Variants in PIK3C2A observed in about 807,000 individuals in gnomAD.
The protein encoded by PIK3C2A is phosphatidylinositol 4-phosphate 3-kinase C2 domain-containing subunit alpha.
PIK3C2A carries 97 observed loss-of-function variants against 204.5 expected under a neutral mutation model. The ratio of observed to expected loss-of-function variants is 0.47; its 90% CI spans 0.40 to 0.56. The LOEUF (loss-of-function observed/expected upper bound fraction) is 0.56, where lower values mean the gene tolerates loss of function less well. PIK3C2A is among the 20% of genes least tolerant of loss of function. PIK3C2A has a pLI of 0.00. For missense variants in PIK3C2A, 1,735 were observed against 1,969.2 expected (o/e 0.88, Z 2.25); for synonymous variants, 653 against 664.4 (o/e 0.98, Z 0.26).
chr11:17,131,056 C>T (rs1590942558), intron 12 of PIK3C2A, among the ~76,000 whole-genome samples: 1 of 152,008 alleles, frequency 6.6e-6, no homozygotes, highest in Middle Eastern at 3.4e-3. Context: ...GGCGTGGTGG[C>T]GCATGCCTGT....
At chr11:17,165,111 C>T in intron 2 of PIK3C2A, among the ~76,000 whole-genome samples, 1 of 152,084 alleles carries the variant, frequency 6.6e-6, no homozygotes, top group Non-Finnish European at 1.5e-5. Flanking sequence ...CATTAACAAC[C>T]TGTGCTTTGG....
At position 17,087,182 on chromosome 11, in the gene PIK3C2A, T is replaced by C. The variant is rs533906664; in HGVS notation, c.*2556A>G. 6.6e-6 allele frequency: 1 copy of C among 152,290 alleles called. No individual in the cohort carries two copies. Among genetic ancestry groups the C allele is most frequent in the South Asian group, 2.1e-4 (1 of 4,822 alleles). The allele number at this position is 152,290 out of a possible 1,614,324, so 9.4% of individuals were successfully genotyped here. ...AGTCAATAAAGGTGAGTATAAAATA[T>C]TGTGATTATACATAAAAATTAGTGT... On this transcript the variant is annotated 3_prime_UTR_variant, in exon 33 of 33. Transcript: ENST00000691414.
chr11:17,096,667 A>G (rs770031434), intron 27 of PIK3C2A, among the ~76,000 whole-genome samples: 89 of 152,380 alleles, frequency 5.8e-4, no homozygotes, highest in Admixed American at 9.1e-4. Context: ...GGTGAAAAGT[A>G]GCAACAAAAA....
Position 17,155,533 on chromosome 11 carries a change from T to C in PIK3C2A, c.1162A>G (p.Ile388Val). Reference sequence around the variant, plus strand: ...TAAAGAAAAATTCCTTACTTTGTAATGGATCGACAAAAAGCTGCCATCTCC... The same window carrying C: ...TAAAGAAAAATTCCTTACTTTGTAACGGATCGACAAAAAGCTGCCATCTCC... ...NEEMAAFCRSITKLKTKFPYT... is the reference protein window; with the variant it reads ...NEEMAAFCRSVTKLKTKFPYT... Residue 388 changes from isoleucine to valine, a missense_variant, in exon 3 of 33, where the codon ATT (isoleucine) becomes GTT (valine). By Grantham distance (29) the Ile-to-Val change is conservative. Around this residue, in one of 6 missense-constraint regions of PIK3C2A, gnomAD observed 536 missense variants for 546.7 expected, o/e 0.98. Transcript: ENST00000691414. The C allele has an allele frequency of 6.4e-7, 1 of 1,573,570 alleles. No individual in the cohort carries two copies. The highest frequency in any genetic ancestry group is 1.7e-4 in the Middle Eastern group (1 of 5,940).
chr11:17,153,684 AG>A (rs1850490957), intron 3 of PIK3C2A, among the ~76,000 whole-genome samples: 2 of 152,216 alleles, frequency 1.3e-5, no homozygotes, highest in African/African-American at 4.8e-5. Flanking sequence ...ATAAATTCCA[AG>A]TCTGTTTTGT....
Position 17,136,962 on chromosome 11 carries a change from T to C in PIK3C2A, c.1705-337A>G, listed in dbSNP as rs370362989. Among the ~76,000 whole-genome samples the C allele has an allele frequency of 3.3e-4, 51 of 152,318 alleles. 1 individual carries two copies. In the South Asian group the frequency reaches 0.01, roughly 31 times the overall value. On this transcript the variant is annotated intron_variant, in intron 8 of 32. Coordinates refer to ENST00000691414, the MANE Select transcript of PIK3C2A (RefSeq NM_002645.4). ...TCTCATTTGGAAATAATTTCCACAT[T>C]GAAAATAACCCTTCTCTTCCTCCTG...
At chr11:17,161,155 A>G (rs978674257) in intron 2 of PIK3C2A, among the ~76,000 whole-genome samples, 2 of 152,224 alleles carry the variant, frequency 1.3e-5, no homozygotes, top group African/African-American at 4.8e-5. Context: ...ATACCTATAC[A>G]AGTTCAAGGT....
At position 17,169,127 on chromosome 11, in the gene PIK3C2A, G is replaced by A; in HGVS notation, c.615C>T (p.Pro205=). 2 of 1,614,176 alleles carry A rather than the reference G, an allele frequency of 1.2e-6. No individual in the cohort carries two copies. The highest frequency in any genetic ancestry group is 1.7e-6 in the Non-Finnish European group (2 of 1,180,030). Reference sequence around the variant, plus strand: ...TAGGTAAGCTTCCTTGTGGATGAAAGGGTGTGGCAGGTGTCAAAGGATATG... The same window carrying A: ...TAGGTAAGCTTCCTTGTGGATGAAAAGGTGTGGCAGGTGTCAAAGGATATG... ...YFSYPLTPAT[P]FHPQGSLPIY... The change falls in exon 2 of 33, where the codon CCC becomes CCT. Residue 205 remains proline (P), a synonymous_variant. Coordinates refer to ENST00000691414, the MANE Select transcript of PIK3C2A (RefSeq NM_002645.4).
intron 4 of PIK3C2A, among the ~76,000 whole-genome samples, chr11:17,149,312 T>C (rs547324704): frequency 6.6e-6 from 1 of 152,240 alleles, no homozygotes; most frequent in South Asian, 2.1e-4. Flanking sequence ...TAAATATATA[T>C]ATACCTACTA....
chr11:17,137,372 T>C (rs1849906166), intron 8 of PIK3C2A, among the ~76,000 whole-genome samples: 1 of 151,780 alleles, frequency 6.6e-6, no homozygotes, highest in African/African-American at 2.4e-5. Flanking sequence ...CAAAAATCTT[T>C]CCAGTTTTGA....
chr11:17,148,838 A>T (rs1238631386), intron 4 of PIK3C2A, 51 bp from the exon 5 acceptor site: 2 of 1,464,380 alleles, frequency 1.4e-6, no homozygotes, highest in South Asian at 2.4e-5. Flanking sequence ...TATTTATTCA[A>T]GACTGTATTA....
chr11:17,089,719 A>C lies in PIK3C2A; in HGVS notation c.*19T>G. On this transcript the variant is annotated 3_prime_UTR_variant, in exon 33 of 33. Coordinates refer to ENST00000691414, the MANE Select transcript of PIK3C2A (RefSeq NM_002645.4). ...CGTTTATAACTGTTCATGCTTCCAA[A>C]GCTCAAACATTCACTAGTTTACAAG... 1 of 1,574,232 alleles carries C rather than the reference A, an allele frequency of 6.4e-7. No individual in the cohort carries two copies. Among genetic ancestry groups the C allele is most frequent in the Non-Finnish European group, 8.7e-7 (1 of 1,146,238 alleles).
chr11:17,148,827 ATATT>A, intron 4 of PIK3C2A, 40 bp from the exon 5 acceptor site: 7 of 1,545,410 alleles, frequency 4.5e-6, no homozygotes, highest in Non-Finnish European at 6.2e-6. Context: ...TTGCTCATTT[ATATT>A]TATTCAAGAC....
At chr11:17,147,370 AT>A in intron 6 of PIK3C2A, 146 bp downstream of exon 6, 1 of 584,002 alleles carries the variant, frequency 1.7e-6, no homozygotes, top group Non-Finnish European at 3.1e-6. Context: ...ATCTCCCCTC[AT>A]TTGCTAAGAA....
At chr11:17,166,471 A>G (rs1246970919) in intron 2 of PIK3C2A, among the ~76,000 whole-genome samples, 1 of 152,200 alleles carries the variant, frequency 6.6e-6, no homozygotes, top group African/African-American at 2.4e-5. Context: ...TAGCTGGGAT[A>G]ATCTATTTCT....
At chr11:17,185,901 T>G (rs1171303299) in intron 1 of PIK3C2A, among the ~76,000 whole-genome samples, 1 of 152,178 alleles carries the variant, frequency 6.6e-6, no homozygotes, top group East Asian at 1.9e-4. Flanking sequence ...ACACAGTAGC[T>G]GGAGTGATCT....
intron 5 of PIK3C2A, 121 bp downstream of exon 5, chr11:17,148,546 T>C (rs936499931): frequency 1.1e-5 from 9 of 802,286 alleles, no homozygotes; most frequent in Non-Finnish European, 1.7e-5. Context: ...ATTGATTCAA[T>C]AAATCAATTC....
Position 17,087,202 on chromosome 11 carries a change from T to G in PIK3C2A, c.*2536A>C, listed in dbSNP as rs1848182546. On this transcript the variant is annotated 3_prime_UTR_variant, in exon 33 of 33. Coordinates refer to ENST00000691414, the MANE Select transcript of PIK3C2A (RefSeq NM_002645.4). ...AAATATTGTGATTATACATAAAAATTAGTGTCTTGGCCAGTTTGTTAAACT... is the reference window on the plus strand; with the variant it reads ...AAATATTGTGATTATACATAAAAATGAGTGTCTTGGCCAGTTTGTTAAACT... 6.6e-6 allele frequency: 1 copy of G among 152,300 alleles called. No homozygotes were observed. The highest frequency in any genetic ancestry group is 1.9e-4 in the East Asian group (1 of 5,184). The allele number at this position is 152,300 out of a possible 1,614,324, so 9.4% of individuals were successfully genotyped here.
At chr11:17,164,078 A>G (rs1204668657) in intron 2 of PIK3C2A, among the ~76,000 whole-genome samples, 1 of 152,124 alleles carries the variant, frequency 6.6e-6, no homozygotes, top group Non-Finnish European at 1.5e-5. Context: ...TGCCTCCAAC[A>G]GTTCCTCAAA....
Sources: gnomAD v4.1 joint callset for allele counts (sites outside exome capture counted in the v4.1 genomes callset) on GRCh38, gnomAD v4.1.1 for gene constraint, gnomAD v4.1.1 regional missense constraint, MANE v1.5 for transcripts, NCBI Gene and HGNC (gene_info 2026-07-23, HGNC 2026-07-21) for gene names.